The following IFT70B variants were observed in gnomAD, a reference collection of about 807,000 sequenced individuals.
IFT70B encodes the protein intraflagellar transport protein 70B.
chr2:177,550,988 G>A, the IFT70B span: 2 of 1,614,146 alleles, frequency 1.2e-6, no homozygotes, highest in Non-Finnish European at 1.7e-6. Flanking sequence ...TTTCTAACAA[G>A]GACAGGAAGC....
the IFT70B span, chr2:177,552,757 C>T: frequency 6.4e-7 from 1 of 1,554,368 alleles, no homozygotes; most frequent in Non-Finnish European, 8.7e-7. Flanking sequence ...CCGCTCAGGC[C>T]AGCCATAACC....
chr2:177,551,868 T>C, the IFT70B span: 1 of 1,614,148 alleles, frequency 6.2e-7, no homozygotes, highest in Admixed American at 1.7e-5. Context: ...AGGCCTGGCA[T>C]CCATGTTCAT....
At chr2:177,552,598 A>G in the IFT70B span, 185 of 1,595,010 alleles carry the variant, frequency 1.2e-4, no homozygotes, top group Non-Finnish European at 1.5e-4. Context: ...TGCAGGCGGT[A>G]GTAGCAGTAG....
At chr2:177,552,021 G>A in the IFT70B span, 2 of 1,614,118 alleles carry the variant, frequency 1.2e-6, no homozygotes, top group African/African-American at 2.7e-5. Flanking sequence ...CACCAGAGCA[G>A]TCTGATGGAG....
chr2:177,550,773 T>C, the IFT70B span: 72 of 1,601,080 alleles, frequency 4.5e-5, 1 homozygote, highest in South Asian at 7.8e-4. Context: ...TTACTATATA[T>C]TCCATCCTAT....
the IFT70B span, chr2:177,550,727 A>G: frequency 6.6e-6 from 10 of 1,512,882 alleles, no homozygotes; most frequent in East Asian, 2.3e-5. Flanking sequence ...GCAAATTTAC[A>G]TAACAAAGCC....
At chr2:177,551,027 T>A in the IFT70B span, 1 of 1,614,184 alleles carries the variant, frequency 6.2e-7, no homozygotes, top group Non-Finnish European at 8.5e-7. Flanking sequence ...AGGTGTCTGT[T>A]CCCAGCTTTT....
the IFT70B span, chr2:177,551,076 C>A: frequency 6.2e-7 from 1 of 1,614,146 alleles, no homozygotes; most frequent in South Asian, 1.1e-5. Flanking sequence ...TCGAGAAATA[C>A]CAAAGTCATA....
the IFT70B span, chr2:177,552,082 C>T: frequency 6.2e-7 from 1 of 1,614,208 alleles, no homozygotes; most frequent in South Asian, 1.1e-5. Context: ...GTGGTCATGC[C>T]CACACCTAGC....
chr2:177,550,337 T>C, the IFT70B span: 1 of 153,824 alleles, frequency 6.5e-6, no homozygotes, highest in Admixed American at 6.5e-5. Context: ...ATAAAAAGTA[T>C]GCATTACAAA....
chr2:177,552,560 A>G, the IFT70B span: 3 of 1,601,036 alleles, frequency 1.9e-6, no homozygotes, highest in African/African-American at 2.7e-5. Context: ...CCAGCTGCTC[A>G]TAGCACTCGG....
chr2:177,551,964 T>C, the IFT70B span: 1 of 1,614,202 alleles, frequency 6.2e-7, no homozygotes, highest in African/African-American at 1.3e-5. Flanking sequence ...AGCTGCCTCA[T>C]AGTTTCTCAG....
chr2:177,551,671 C>G, the IFT70B span: 17 of 1,614,056 alleles, frequency 1.1e-5, no homozygotes, highest in Middle Eastern at 3.3e-4. Context: ...CAAGTGATCA[C>G]AGCGTCCAAG....
chr2:177,550,431 G>A, the IFT70B span: 1 of 184,622 alleles, frequency 5.4e-6, no homozygotes, highest in Non-Finnish European at 1.1e-5. Context: ...TACTGAGATA[G>A]TGCTTGGTCC....
the IFT70B span, chr2:177,549,792 G>C: frequency 2.0e-5 from 3 of 152,188 alleles, no homozygotes; most frequent in African/African-American, 4.8e-5. Flanking sequence ...GGTCAGACCT[G>C]GTGGCTGAGA....
the IFT70B span, chr2:177,552,260 T>C: frequency 1.2e-6 from 2 of 1,614,220 alleles, no homozygotes; most frequent in East Asian, 2.2e-5. Flanking sequence ...CTTCATACTG[T>C]CCCTCCTTGT....
the IFT70B span, chr2:177,550,736 C>T: frequency 6.6e-7 from 1 of 1,526,408 alleles, no homozygotes; most frequent in East Asian, 2.3e-5. Flanking sequence ...CATAACAAAG[C>T]CATTTGATAA....
At chr2:177,551,611 T>TC in the IFT70B span, 4 of 1,614,210 alleles carry the variant, frequency 2.5e-6, no homozygotes, top group Non-Finnish European at 1.7e-6. Context: ...TCAGTCAGCA[T>TC]CCCTGCTAGC....
At chr2:177,552,547 G>A in the IFT70B span, 1 of 1,599,542 alleles carries the variant, frequency 6.3e-7, no homozygotes, top group Admixed American at 1.7e-5. Context: ...GGGTGCAGCT[G>A]GCCCAGCTGC....
Sources: allele counts gnomAD v4.1 joint callset, GRCh38; gene constraint gnomAD v4.1.1; transcripts MANE v1.5; gene names NCBI Gene and HGNC (gene_info 2026-07-23, HGNC 2026-07-21).